The following FGF10 variants were observed in gnomAD, a reference collection of about 807,000 sequenced individuals.
The protein encoded by FGF10 is FGF-10.
In FGF10, 2 loss-of-function variants were observed where a neutral mutation model predicts 19.8. The observed-to-expected ratio is 0.10, with a 90% CI of 0.04 to 0.32. The LOEUF is 0.32. FGF10 is among the 10% of genes least tolerant of loss of function. The pLI is 1.00. For missense variants in FGF10, 191 were observed against 246.3 expected, an observed-to-expected ratio of 0.78 and a Z score of 1.50; for synonymous variants, 112 against 94.0, an observed-to-expected ratio of 1.19 and a Z score of -1.10.
chr5:44,387,952 G>A (rs1742142194), intron 1 of FGF10, among the ~76,000 whole-genome samples: 1 of 152,014 alleles, frequency 6.6e-6, no homozygotes, highest in Non-Finnish European at 1.5e-5. Context: ...AGATTGCCAG[G>A]GAAAAGAAAC....
At chr5:44,363,182 A>G (rs995402796) in intron 1 of FGF10, among the ~76,000 whole-genome samples, 1 of 151,802 alleles carries the variant, frequency 6.6e-6, no homozygotes, top group Admixed American at 6.6e-5. Flanking sequence ...TCAGACCTCT[A>G]AATTTCCTTC....
intron 1 of FGF10, among the ~76,000 whole-genome samples, chr5:44,383,910 C>A (rs1742042287): frequency 6.6e-6 from 1 of 152,034 alleles, no homozygotes; most frequent in South Asian, 2.1e-4. Flanking sequence ...TCCTATTTTC[C>A]TCAACAATTA....
chr5:44,322,842 G>T (rs773704294), intron 1 of FGF10, among the ~76,000 whole-genome samples: 1 of 151,744 alleles, frequency 6.6e-6, no homozygotes, highest in Non-Finnish European at 1.5e-5. Flanking sequence ...GTATAATTAT[G>T]TTATTATATA....
intron 1 of FGF10, among the ~76,000 whole-genome samples, chr5:44,380,434 CA>C (rs1741959841): frequency 6.6e-6 from 1 of 152,264 alleles, no homozygotes; most frequent in Non-Finnish European, 1.5e-5. Context: ...GTTGGTGTTT[CA>C]AAAATTCCTA....
In FGF10 at chr5:44,376,490, C is replaced by CAAAAAAAAAAAAAAAAAAAAAAAAAAAA. The variant is rs764913349; in HGVS notation, c.325+11867_325+11868insTTTTTTTTTTTTTTTTTTTTTTTTTTTT. 8.7e-4 allele frequency among the ~76,000 whole-genome samples: 30 copies of CAAAAAAAAAAAAAAAAAAAAAAAAAAAA among 34,544 alleles called. 7 individuals are homozygous for CAAAAAAAAAAAAAAAAAAAAAAAAAAAA. Among genetic ancestry groups the CAAAAAAAAAAAAAAAAAAAAAAAAAAAA allele is most frequent in the Non-Finnish European group, 1.4e-3 (24 of 17,762 alleles). The allele number at this position is 34,544 out of a possible 152,430, so 22.7% of individuals were successfully genotyped here. ...CTAAGACAAGTTAGAATACAAATGC[C>CAAAAAAAAAAAAAAAAAAAAAAAAAAAA]AAAAAAAAAAAAAAAAAAAAAAAAA... On this transcript the variant is annotated intron_variant, in intron 1 of 2. Coordinates refer to ENST00000264664, the MANE Select transcript of FGF10 (RefSeq NM_004465.2).
At chr5:44,351,654 A>G (rs748880612) in intron 1 of FGF10, among the ~76,000 whole-genome samples, 2 of 151,682 alleles carry the variant, frequency 1.3e-5, no homozygotes, top group African/African-American at 2.4e-5. Context: ...TCTGTAAGGA[A>G]GAAGACTTCC....
intron 1 of FGF10, among the ~76,000 whole-genome samples, chr5:44,381,688 TA>T (rs1741985717): frequency 6.6e-6 from 1 of 152,162 alleles, no homozygotes; most frequent in African/African-American, 2.4e-5. Context: ...AAGGATGAAA[TA>T]ACATGTCTGC....
At chr5:44,352,069 C>T (rs894530920) in intron 1 of FGF10, among the ~76,000 whole-genome samples, 2 of 151,450 alleles carry the variant, frequency 1.3e-5, no homozygotes, top group Non-Finnish European at 3.0e-5. Flanking sequence ...CTAAGTAGGG[C>T]CAAAAATTAA....
At chr5:44,329,081 G>A (rs17234324) in intron 1 of FGF10, among the ~76,000 whole-genome samples, 1,633 of 152,226 alleles carry the variant, frequency 0.011, 29 homozygotes, top group African/African-American at 0.037. Context: ...ACTAGTTGAC[G>A]TATTTGAAGA....
In FGF10 at chr5:44,338,043, CAT is replaced by C. The variant is rs1579915474; in HGVS notation, c.326-27515_326-27514del. Among the ~76,000 whole-genome samples the C allele has an allele frequency of 2.6e-5, 4 of 152,190 alleles. No homozygotes were observed. The East Asian group carries it at 5.8e-4, about 22-fold the overall frequency. On this transcript the variant is annotated intron_variant, in intron 1 of 2. Coordinates refer to ENST00000264664, the MANE Select transcript of FGF10 (RefSeq NM_004465.2). Reference sequence around the variant, plus strand: ...TGTATTAAATAAATTATTATTCTAACATGTAATTATTATGTTTCCACCAACAA... The same window carrying C: ...TGTATTAAATAAATTATTATTCTAACGTAATTATTATGTTTCCACCAACAA...
intron 1 of FGF10, among the ~76,000 whole-genome samples, chr5:44,358,630 T>G (rs1259222582): frequency 6.6e-6 from 1 of 151,446 alleles, no homozygotes; most frequent in African/African-American, 2.4e-5. Flanking sequence ...TCAGACATAA[T>G]TAACCCCAGT....
chr5:44,312,082 A>G (rs1420531568), intron 1 of FGF10, among the ~76,000 whole-genome samples: 1 of 151,986 alleles, frequency 6.6e-6, no homozygotes, highest in Non-Finnish European at 1.5e-5. Context: ...ATCAAAAGAG[A>G]TATATCTCAC....
At chr5:44,386,820 A>C (rs1421317688) in intron 1 of FGF10, among the ~76,000 whole-genome samples, 1 of 152,174 alleles carries the variant, frequency 6.6e-6, no homozygotes, top group Non-Finnish European at 1.5e-5. Flanking sequence ...AACAGAAGTT[A>C]ATGTTGAATG....
At chr5:44,322,759 T>C (rs986517768) in intron 1 of FGF10, among the ~76,000 whole-genome samples, 2 of 152,034 alleles carry the variant, frequency 1.3e-5, no homozygotes, top group South Asian at 4.2e-4. Flanking sequence ...AATGAGATTA[T>C]GGAGTAGATG....
chr5:44,370,994 T>G (rs1474233341), intron 1 of FGF10, among the ~76,000 whole-genome samples: 2 of 152,088 alleles, frequency 1.3e-5, no homozygotes, highest in Non-Finnish European at 2.9e-5. Flanking sequence ...GAAAAATCCT[T>G]CAGAATGTAC....
In FGF10 at chr5:44,388,731, C is replaced by G. The variant is rs1475419014; in HGVS notation, c.-49G>C. On this transcript the variant is annotated 5_prime_UTR_variant, in exon 1 of 3. Coordinates refer to ENST00000264664, the MANE Select transcript of FGF10 (RefSeq NM_004465.2). ...AAATTGTCTCATCAGAAGGAACATA[C>G]TGGAAGGGTAAGACCCGATGCAAGG... is the stretch of plus-strand genomic sequence containing the variant. 2 of 1,596,336 alleles carry G rather than the reference C, an allele frequency of 1.3e-6. No homozygotes were observed.
At chr5:44,350,342 G>A (rs2111820320) in intron 1 of FGF10, among the ~76,000 whole-genome samples, 1 of 150,946 alleles carries the variant, frequency 6.6e-6, no homozygotes, top group Non-Finnish European at 1.5e-5. Flanking sequence ...ACTGTATACA[G>A]TATGATGTCT....
intron 1 of FGF10, among the ~76,000 whole-genome samples, chr5:44,325,154 T>C (rs1472575691): frequency 6.6e-6 from 1 of 152,150 alleles, no homozygotes; most frequent in African/African-American, 2.4e-5. Flanking sequence ...TCACTGGCCA[T>C]CAGAGAAATG....
At chr5:44,310,983 GA>G (rs1740198050) in intron 1 of FGF10, among the ~76,000 whole-genome samples, 1 of 152,008 alleles carries the variant, frequency 6.6e-6, no homozygotes, top group Non-Finnish European at 1.5e-5. Context: ...TAAAAACAGT[GA>G]TAAACTATTT....
Sources: allele counts gnomAD v4.1 joint callset (sites outside exome capture counted in the v4.1 genomes callset), GRCh38; gene constraint gnomAD v4.1.1; transcripts MANE v1.5; gene names NCBI Gene and HGNC (gene_info 2026-07-23, HGNC 2026-07-21).